Variants in TOGARAM1 observed in about 807,000 individuals in gnomAD.
TOGARAM1 encodes the protein TOG array regulator of axonemal microtubules protein 1.
Under a neutral mutation model 166.6 loss-of-function variants are expected in TOGARAM1, and 100 were observed. The ratio of observed to expected loss-of-function variants is 0.60; its 90% CI spans 0.51 to 0.71. TOGARAM1 has a LOEUF of 0.71. TOGARAM1 is among the 30% of genes least tolerant of loss of function. The pLI is 0.00. For synonymous variants in TOGARAM1, 758 were observed against 763.8 expected (o/e 0.99, Z 0.13); for missense variants, 2,029 against 2,102.7 (o/e 0.96, Z 0.69).
At chr14:45,017,522 G>T (rs1880224844) in intron 7 of TOGARAM1, among the ~76,000 whole-genome samples, 1 of 152,142 alleles carries the variant, frequency 6.6e-6, no homozygotes, top group African/African-American at 2.4e-5. Flanking sequence ...TGTAGCCCTG[G>T]AGTAAAGTTG....
intron 14 of TOGARAM1, among the ~76,000 whole-genome samples, chr14:45,050,440 A>G (rs1882305898): frequency 6.6e-6 from 1 of 151,318 alleles, no homozygotes; most frequent in African/African-American, 2.4e-5. Flanking sequence ...TTTTGTAGAG[A>G]TGGGGTGTTG....
At chr14:45,027,615 ATG>A in intron 9 of TOGARAM1, 141 bp downstream of exon 9, 1 of 626,108 alleles carries the variant, frequency 1.6e-6, no homozygotes, top group Non-Finnish European at 2.5e-6. Context: ...AGCCTTGGCA[ATG>A]TGGCAAAGCC....
Position 45,066,600 on chromosome 14 carries a change from G to C in TOGARAM1, c.4582G>C (p.Val1528Leu). 1 of 1,608,182 alleles carries C rather than the reference G, an allele frequency of 6.2e-7. No homozygotes were observed. Among genetic ancestry groups the C allele is most frequent in the Non-Finnish European group, 8.5e-7 (1 of 1,175,800 alleles). The change falls in exon 17 of 20, where the codon GTC becomes CTC. Residue 1528 changes from valine (V) to leucine (L), a missense_variant. Around this residue, in one of 2 missense-constraint regions of TOGARAM1, gnomAD observed 576 missense variants for 670.5 expected, o/e 0.86. Transcript: ENST00000361462. ...AERAVTEVRE[V>L]TRKSVPRNSL... is the part of the protein sequence containing the mutation. ...TAGAGCTGTAACTGAAGTTCGTGAAGTCACCAGAAAATCAGTCCCTCGTAA... is the reference window on the plus strand; with the variant it reads ...TAGAGCTGTAACTGAAGTTCGTGAACTCACCAGAAAATCAGTCCCTCGTAA...
chr14:44,998,201 A>T (rs547454030), intron 2 of TOGARAM1, among the ~76,000 whole-genome samples: 33 of 152,324 alleles, frequency 2.2e-4, no homozygotes, highest in Admixed American at 2.1e-3. Flanking sequence ...ATGTCCAGTT[A>T]TGTTTGTGGC....
At chr14:45,023,982 C>G in intron 7 of TOGARAM1, among the ~76,000 whole-genome samples, 1 of 152,224 alleles carries the variant, frequency 6.6e-6, no homozygotes. Flanking sequence ...CTCAGGTGAT[C>G]TGCCCACCTC....
chr14:44,963,146 T>G lies in TOGARAM1; in HGVS notation c.725T>G (p.Leu242Arg). ...ASTALLLPIL[L>R]TTEDLLLGLD... Reference sequence around the variant, plus strand: ...ACAGCACTACTGCTTCCCATCTTGCTTACTACTGAGGACTTGTTGCTTGGT... The same window carrying G: ...ACAGCACTACTGCTTCCCATCTTGCGTACTACTGAGGACTTGTTGCTTGGT... The change falls in exon 1 of 20, where the codon CTT becomes CGT. Residue 242 changes from leucine to arginine, a missense_variant. By Grantham distance (102) the Leu-to-Arg change is moderately radical. This residue lies in a region of TOGARAM1 where 1,453 missense variants were observed against 1,432.2 expected (regional missense o/e 1.01). Transcript: ENST00000361462. 6.2e-7 allele frequency: 1 copy of G among 1,614,208 alleles called. No individual in the cohort carries two copies. Among genetic ancestry groups the G allele is most frequent in the East Asian group, 2.2e-5 (1 of 44,888 alleles).
At chr14:45,015,885 C>A (rs1345167618) in intron 7 of TOGARAM1, among the ~76,000 whole-genome samples, 1 of 151,996 alleles carries the variant, frequency 6.6e-6, no homozygotes, top group African/African-American at 2.4e-5. Flanking sequence ...GGTGAGTTAA[C>A]TTTTAAGATT....
intron 1 of TOGARAM1, among the ~76,000 whole-genome samples, chr14:44,968,980 A>G (rs1266705659): frequency 6.6e-6 from 1 of 151,952 alleles, no homozygotes; most frequent in East Asian, 1.9e-4. Flanking sequence ...TAGTTTTGTC[A>G]TTTCCAGAAT....
intron 3 of TOGARAM1, among the ~76,000 whole-genome samples, chr14:45,001,239 T>C (rs1179969054): frequency 6.6e-6 from 1 of 152,230 alleles, no homozygotes; most frequent in African/African-American, 2.4e-5. Flanking sequence ...CCTTTCACTG[T>C]ATGCAAAAAT....
intron 6 of TOGARAM1, among the ~76,000 whole-genome samples, chr14:45,010,666 C>G (rs973891769): frequency 7.2e-5 from 11 of 152,116 alleles, no homozygotes; most frequent in Non-Finnish European, 2.9e-5. Context: ...ACTGAAATGC[C>G]TTTAATGAAT....
At chr14:45,043,636 C>A in intron 11 of TOGARAM1, 50 bp from the exon 12 acceptor site, 1 of 970,732 alleles carries the variant, frequency 1.0e-6, no homozygotes, top group South Asian at 1.3e-5. Flanking sequence ...TGATCCTGTT[C>A]CAGTTGAGTC....
In TOGARAM1 at chr14:45,074,085, A is replaced by C. The variant is rs551599097; in HGVS notation, c.*524A>C. On this transcript the variant is annotated 3_prime_UTR_variant, in exon 20 of 20. Coordinates refer to ENST00000361462, the MANE Select transcript of TOGARAM1 (RefSeq NM_001308120.2). ...TTAGCTTGCTTTTGCTGCTGTGTTA[A>C]TGTCATATATTTGCTTACCTTTTGG... The C allele has an allele frequency of 6.6e-6, 1 of 152,664 alleles. No homozygotes were observed. Among genetic ancestry groups the C allele is most frequent in the Non-Finnish European group, 1.5e-5 (1 of 68,084 alleles). 9.5% of individuals were successfully genotyped at this position (152,664 alleles called of 1,614,324 possible).
chr14:45,005,938 A>C, intron 4 of TOGARAM1, 70 bp from the exon 5 acceptor site: 7 of 1,330,268 alleles, frequency 5.3e-6, no homozygotes, highest in Non-Finnish European at 5.1e-6. Context: ...TATTTTAAGC[A>C]CTTGTGACTA....
intron 11 of TOGARAM1, among the ~76,000 whole-genome samples, chr14:45,033,654 A>G (rs1338676187): frequency 6.6e-6 from 1 of 152,242 alleles, no homozygotes; most frequent in Non-Finnish European, 1.5e-5. Flanking sequence ...ATAAATGTAT[A>G]TCTGTATCCC....
chr14:44,991,116 G>A (rs755022093), intron 1 of TOGARAM1, among the ~76,000 whole-genome samples: 2 of 151,488 alleles, frequency 1.3e-5, no homozygotes, highest in Admixed American at 6.6e-5. Context: ...GCAACACCAG[G>A]CCTGGTTAAT....
At position 45,065,519 on chromosome 14, in the gene TOGARAM1, A is replaced by G. The variant is rs978204965; in HGVS notation, c.4560-1059A>G. Among the ~76,000 whole-genome samples the G allele has an allele frequency of 8.5e-5, 13 of 152,370 alleles. 1 individual carries two copies. The Middle Eastern group carries it at 0.014, about 159-fold the overall frequency. ...CTGGGCTGCATGCGACCTGCAGACC[A>G]TGGGATGGACAAGCTGGATCTACCA... On this transcript the variant is annotated intron_variant, in intron 16 of 19. Transcript: ENST00000361462.
intron 5 of TOGARAM1, chr14:45,007,349 G>C (rs1362615904): frequency 6.8e-6 from 1 of 146,644 alleles, no homozygotes; most frequent in Non-Finnish European, 1.5e-5. Flanking sequence ...CAACTCATTT[G>C]TATTTTACTA....
chr14:44,972,531 G>C (rs1885941702), intron 1 of TOGARAM1, among the ~76,000 whole-genome samples: 1 of 151,836 alleles, frequency 6.6e-6, no homozygotes, highest in African/African-American at 2.4e-5. Context: ...ATCAGTCTTT[G>C]CCTCATTTAA....
intron 1 of TOGARAM1, among the ~76,000 whole-genome samples, chr14:44,980,981 A>G (rs1261743716): frequency 6.6e-6 from 1 of 152,168 alleles, no homozygotes; most frequent in East Asian, 1.9e-4. Context: ...CAGGATTAGG[A>G]AAAAAGGGAT....
Sources: allele counts gnomAD v4.1 joint callset (sites outside exome capture counted in the v4.1 genomes callset), GRCh38; gene constraint gnomAD v4.1.1; regional missense constraint gnomAD v4.1.1; transcripts MANE v1.5; gene names NCBI Gene and HGNC (gene_info 2026-07-23, HGNC 2026-07-21).